Variants in SHISA9 observed in about 807,000 individuals in gnomAD.
SHISA9 encodes the protein shisa family member 9, also known as protein shisa-9.
Under a neutral mutation model 38.0 loss-of-function variants are expected in SHISA9, and 13 were observed. The ratio of observed to expected loss-of-function variants is 0.34; its 90% CI spans 0.22 to 0.54. The LOEUF is 0.54. Ranked by LOEUF, SHISA9 falls within the 20% of genes least tolerant of loss-of-function variation. The probability of loss-of-function intolerance (pLI) is 0.91; values close to 1 mark genes in which losing one functional copy is unlikely to be tolerated. For missense variants in SHISA9, 538 were observed against 575.8 expected (o/e 0.93, Z 0.67); for synonymous variants, 275 against 242.0 (o/e 1.14, Z -1.27).
At chr16:13,010,419 A>T (rs549559319) in intron 2 of SHISA9, among the ~76,000 whole-genome samples, 1 of 152,312 alleles carries the variant, frequency 6.6e-6, no homozygotes, top group Admixed American at 6.5e-5. Context: ...TAGCTTCAGG[A>T]TCATTACTGT....
chr16:12,980,575 T>C (rs2072227450), intron 2 of SHISA9, among the ~76,000 whole-genome samples: 1 of 150,002 alleles, frequency 6.7e-6, no homozygotes. Flanking sequence ...TAAATATGTT[T>C]TTTTTTTTAA....
Position 13,160,906 on chromosome 16 carries a change from G to T in SHISA9, c.692-42488G>T, listed in dbSNP as rs536256915. Among the ~76,000 whole-genome samples the T allele has an allele frequency of 2.6e-5, 4 of 152,260 alleles. No individual in the cohort carries two copies. The South Asian group carries it at 8.3e-4, about 32-fold the overall frequency. ...AACACTTTCCTTTTCAGGCTGGATG[G>T]CTTCAAGGAAACAAGTAAATTCTTA... is the stretch of plus-strand genomic sequence containing the variant. On this transcript the variant is annotated intron_variant, in intron 2 of 4. Transcript: ENST00000558583.
intron 2 of SHISA9, among the ~76,000 whole-genome samples, chr16:12,994,053 T>A (rs1237426173): frequency 6.6e-6 from 1 of 152,098 alleles, no homozygotes; most frequent in Non-Finnish European, 1.5e-5. Flanking sequence ...GCTAGAGAGA[T>A]AAGGGGAAGC....
intron 2 of SHISA9, among the ~76,000 whole-genome samples, chr16:13,010,167 C>G (rs1260961553): frequency 6.6e-6 from 1 of 151,926 alleles, no homozygotes; most frequent in Admixed American, 6.6e-5. Flanking sequence ...ACAGCGAAAT[C>G]TTGTCTCGAA....
At position 13,069,152 on chromosome 16, in the gene SHISA9, T is replaced by C. The variant is rs548742853; in HGVS notation, c.692-134242T>C. On this transcript the variant is annotated intron_variant, in intron 2 of 4. Coordinates refer to ENST00000558583, the MANE Select transcript of SHISA9 (RefSeq NM_001145204.3). ...ATGCACATATGTGTACATATGCATG[T>C]ATGTGTATATATGTGTGTACATGCA... 8.1e-3 allele frequency among the ~76,000 whole-genome samples: 1,233 copies of C among 151,616 alleles called. 16 individuals carry two copies. Among genetic ancestry groups the C allele is most frequent in the African/African-American group, 0.027 (1,120 of 40,982 alleles).
intron 2 of SHISA9, among the ~76,000 whole-genome samples, chr16:13,015,897 TCTTTCTTTC>T (rs1428761336): frequency 7.6e-6 from 1 of 132,206 alleles, no homozygotes; most frequent in Non-Finnish European, 1.7e-5. Flanking sequence ...TTTCTTTCTT[TCTTTCTTTC>T]TTTTCTTTCT....
chr16:12,917,212 G>A (rs547536448), intron 2 of SHISA9, among the ~76,000 whole-genome samples: 2 of 152,240 alleles, frequency 1.3e-5, no homozygotes, highest in South Asian at 2.1e-4. Context: ...TAGCTTATAC[G>A]TCTGCCTCCT....
intron 2 of SHISA9, among the ~76,000 whole-genome samples, chr16:12,956,890 C>T (rs2071842977): frequency 1.3e-5 from 2 of 152,040 alleles, no homozygotes; most frequent in South Asian, 4.1e-4. Flanking sequence ...CATTATTTTT[C>T]AGTTTTAGAT....
At chr16:12,955,416 G>A (rs1354402761) in intron 2 of SHISA9, among the ~76,000 whole-genome samples, 2 of 152,142 alleles carry the variant, frequency 1.3e-5, no homozygotes, top group Admixed American at 1.3e-4. Context: ...TTTCCCACTG[G>A]GGTAGAGTGG....
chr16:13,001,534 G>C (rs181913860), intron 2 of SHISA9, among the ~76,000 whole-genome samples: 3 of 152,262 alleles, frequency 2.0e-5, no homozygotes, highest in Admixed American at 1.3e-4. Context: ...ATCTATGGTA[G>C]AAAAAAATCA....
chr16:13,111,112 A>G (rs1050309662), intron 2 of SHISA9, among the ~76,000 whole-genome samples: 6 of 152,210 alleles, frequency 3.9e-5, no homozygotes, highest in Non-Finnish European at 4.4e-5. Context: ...CCTAGGCAAT[A>G]CCATTCAGGA....
At chr16:13,458,507 C>T in the SHISA9 span, 1 of 412,564 alleles carries the variant, frequency 2.4e-6, no homozygotes, top group African/African-American at 2.1e-5. Flanking sequence ...CTAGAAAAAA[C>T]TCGATCAACA....
chr16:13,361,365 C>T, the SHISA9 span, among the ~76,000 whole-genome samples: 1 of 152,220 alleles, frequency 6.6e-6, no homozygotes, highest in Non-Finnish European at 1.5e-5. Flanking sequence ...TGGATGCATC[C>T]TCCTCTTATC....
At chr16:13,402,591 T>C in the SHISA9 span, among the ~76,000 whole-genome samples, 2 of 148,442 alleles carry the variant, frequency 1.3e-5, no homozygotes, top group African/African-American at 5.0e-5. Flanking sequence ...CTCAGCTCAC[T>C]GTAACCACCT....
At chr16:13,092,720 G>C (rs112410992) in intron 2 of SHISA9, among the ~76,000 whole-genome samples, 8,036 of 152,278 alleles carry the variant, frequency 0.053, 352 homozygotes, top group Admixed American at 0.14. Context: ...TTTCCAGGTA[G>C]TCTGTTGTGG....
At chr16:12,914,824 G>A (rs1353482392) in intron 1 of SHISA9, among the ~76,000 whole-genome samples, 1 of 152,198 alleles carries the variant, frequency 6.6e-6, no homozygotes, top group Non-Finnish European at 1.5e-5. Flanking sequence ...CTCCACCCCT[G>A]TAGTTTCTGA....
chr16:13,245,363 G>A (rs1055777357), downstream of SHISA9, among the ~76,000 whole-genome samples: 2 of 152,150 alleles, frequency 1.3e-5, no homozygotes, highest in Admixed American at 6.5e-5. Context: ...TGGGTCCCAG[G>A]TGAAGCACTG....
rs2071264687 is a variant in SHISA9, at chr16:12,916,794, A to C, written c.670A>C (p.Arg224=). 6.4e-7 allele frequency: 1 copy of C among 1,551,868 alleles called. No individual in the cohort carries two copies. The highest frequency in any genetic ancestry group is 2.0e-5 in the Admixed American group (1 of 51,010). Reference sequence around the variant, plus strand: ...CCAGCATTATGAGAACATGGACACGAGAACCCCCATAAATAATCTTCGTAA... The same window carrying C: ...CCAGCATTATGAGAACATGGACACGCGAACCCCCATAAATAATCTTCGTAA... ...HVQHYENMDT[R]TPINNLHATQ... The change falls in exon 2 of 5, where the codon AGA becomes CGA. Residue 224 remains arginine, a synonymous_variant. Coordinates refer to ENST00000558583, the MANE Select transcript of SHISA9 (RefSeq NM_001145204.3).
chr16:13,150,297 C>A (rs140873733), intron 2 of SHISA9, among the ~76,000 whole-genome samples: 3 of 152,186 alleles, frequency 2.0e-5, no homozygotes, highest in Non-Finnish European at 4.4e-5. Flanking sequence ...ATCTACTCAC[C>A]TTTCAAGAGG....
Sources: allele counts gnomAD v4.1 joint callset (sites outside exome capture counted in the v4.1 genomes callset), GRCh38; gene constraint gnomAD v4.1.1; transcripts MANE v1.5; gene names NCBI Gene and HGNC (gene_info 2026-07-23, HGNC 2026-07-21).